The following EVA1A variants were observed in gnomAD, a reference collection of about 807,000 sequenced individuals.
EVA1A encodes eva-1 homolog A, regulator of programmed cell death.
In EVA1A, 7 loss-of-function variants were observed where a neutral mutation model predicts 9.8. The ratio of observed to expected loss-of-function variants is 0.71; its 90% CI spans 0.41 to 1.34. The LOEUF (loss-of-function observed/expected upper bound fraction) is 1.34, where lower values mean the gene tolerates loss of function less well. Among genes scored for constraint, EVA1A ranks in the 40% most tolerant of loss-of-function variants. EVA1A has a pLI of 0.01. For missense variants in EVA1A, 206 were observed against 205.9 expected, an observed-to-expected ratio of 1.00 and a Z score of 0.00; for synonymous variants, 90 against 85.6, an observed-to-expected ratio of 1.05 and a Z score of -0.28.
chr2:75,563,794 C>G (rs1441113506), upstream of EVA1A, among the ~76,000 whole-genome samples: 4 of 152,190 alleles, frequency 2.6e-5, no homozygotes, highest in Admixed American at 1.3e-4. Context: ...CATCAAAACT[C>G]TCTGTGCCTC....
At chr2:75,553,070 C>T (rs1676580897) in intron 1 of EVA1A, among the ~76,000 whole-genome samples, 1 of 152,188 alleles carries the variant, frequency 6.6e-6, no homozygotes, top group African/African-American at 2.4e-5. Context: ...TCCTTTGTCC[C>T]CAGCCATGCC....
intron 1 of EVA1A, among the ~76,000 whole-genome samples, chr2:75,537,136 T>A (rs1330927369): frequency 6.6e-6 from 1 of 152,162 alleles, no homozygotes; most frequent in Non-Finnish European, 1.5e-5. Flanking sequence ...CATGACTACA[T>A]GGGGCTTATT....
upstream of EVA1A, among the ~76,000 whole-genome samples, chr2:75,565,404 G>A (rs1020392305): frequency 1.1e-4 from 17 of 152,122 alleles, no homozygotes; most frequent in African/African-American, 1.9e-4. Context: ...ATCTTCAAAC[G>A]TCACCAGGAA....
At chr2:75,509,233 T>A (rs1674727170) in intron 3 of EVA1A, among the ~76,000 whole-genome samples, 1 of 152,182 alleles carries the variant, frequency 6.6e-6, no homozygotes, top group African/African-American at 2.4e-5. Context: ...TGAGTTAAAA[T>A]GTATAAGGGC....
chr2:75,519,548 G>A (rs927088245), intron 2 of EVA1A, among the ~76,000 whole-genome samples: 1 of 152,208 alleles, frequency 6.6e-6, no homozygotes, highest in Non-Finnish European at 1.5e-5. Context: ...GACAGGAGAA[G>A]GAGTGGGAGC....
At chr2:75,553,806 C>A (rs2103976199) in intron 1 of EVA1A, among the ~76,000 whole-genome samples, 1 of 152,276 alleles carries the variant, frequency 6.6e-6, no homozygotes, top group Non-Finnish European at 1.5e-5. Flanking sequence ...GTGTGACTGA[C>A]CCACTAGGAG....
chr2:75,544,981 A>C (rs1676277004), intron 1 of EVA1A, among the ~76,000 whole-genome samples: 1 of 152,190 alleles, frequency 6.6e-6, no homozygotes, highest in African/African-American at 2.4e-5. Flanking sequence ...GTTCATCCCA[A>C]ACCCTCAATT....
At chr2:75,523,168 C>T (rs1362910663) in intron 1 of EVA1A, among the ~76,000 whole-genome samples, 1 of 152,226 alleles carries the variant, frequency 6.6e-6, no homozygotes, top group African/African-American at 2.4e-5. Flanking sequence ...TGGCTTCCGA[C>T]TTCTGCTTAT....
At chr2:75,558,958 C>G (rs1219272640) in intron 1 of EVA1A, among the ~76,000 whole-genome samples, 1 of 152,174 alleles carries the variant, frequency 6.6e-6, no homozygotes, top group African/African-American at 2.4e-5. Context: ...GCCGCATGAC[C>G]TGCTGTGGAT....
rs1477277738 is a variant in EVA1A, at chr2:75,560,778, C to A, written c.-290G>T. ...GCTGATCACTGAGGGGCGGACACGA[C>A]AAAGCGCTGCCCGGGTCTTGGGCCG... On this transcript the variant is annotated 5_prime_UTR_variant, in exon 1 of 4. Coordinates refer to ENST00000393913, the MANE Select transcript of EVA1A (RefSeq NM_001135032.2). 2.6e-5 allele frequency: 4 copies of A among 152,708 alleles called. No individual in the cohort carries two copies. Among genetic ancestry groups the A allele is most frequent in the African/African-American group, 9.6e-5 (4 of 41,466 alleles). 9.5% of individuals were successfully genotyped at this position (152,708 alleles called of 1,614,324 possible). A position where few individuals can be genotyped will look rare whatever the true frequency, so the allele number is the denominator to read the frequency against.
intron 1 of EVA1A, among the ~76,000 whole-genome samples, chr2:75,530,371 A>C (rs1675601242): frequency 6.6e-6 from 1 of 152,212 alleles, no homozygotes; most frequent in Admixed American, 6.5e-5. Flanking sequence ...CAAAAGATAG[A>C]GAAAGAGAGA....
chr2:75,563,430 C>T (rs1572999111), upstream of EVA1A, among the ~76,000 whole-genome samples: 1 of 152,300 alleles, frequency 6.6e-6, no homozygotes, highest in Middle Eastern at 3.4e-3. Context: ...GTTATGGCTG[C>T]ACCTTGGAAA....
At chr2:75,509,488 T>A (rs1224402134) in intron 3 of EVA1A, among the ~76,000 whole-genome samples, 1 of 152,182 alleles carries the variant, frequency 6.6e-6, no homozygotes, top group Non-Finnish European at 1.5e-5. Context: ...GTAAGATTGT[T>A]GCTAATTTTG....
At chr2:75,527,729 G>C (rs915689393) in intron 1 of EVA1A, among the ~76,000 whole-genome samples, 1 of 152,092 alleles carries the variant, frequency 6.6e-6, no homozygotes, top group Non-Finnish European at 1.5e-5. Context: ...ATAAAGAGAA[G>C]ATATAAGGAA....
chr2:75,521,007 TCAA>T (rs754849295), intron 2 of EVA1A, among the ~76,000 whole-genome samples: 8 of 152,026 alleles, frequency 5.3e-5, no homozygotes, highest in Non-Finnish European at 8.8e-5. Flanking sequence ...CTCCTACAAC[TCAA>T]CAACTAAAAA....
At chr2:75,558,039 C>G (rs1007334180) in intron 1 of EVA1A, among the ~76,000 whole-genome samples, 4 of 152,220 alleles carry the variant, frequency 2.6e-5, no homozygotes, top group African/African-American at 9.7e-5. Flanking sequence ...TTGGCCCTAC[C>G]GCTCATTAGC....
chr2:75,566,044 T>C (rs368091802), intron 1 of EVA1A, among the ~76,000 whole-genome samples: 74 of 152,320 alleles, frequency 4.9e-4, no homozygotes, highest in African/African-American at 1.6e-3. Flanking sequence ...TTACATTTCC[T>C]GGCAAAGTAA....
intron 1 of EVA1A, among the ~76,000 whole-genome samples, chr2:75,547,834 A>G (rs1201579071): frequency 6.6e-6 from 1 of 152,228 alleles, no homozygotes; most frequent in Non-Finnish European, 1.5e-5. Flanking sequence ...CTGGTAAACT[A>G]CTGCTCATGG....
intron 1 of EVA1A, among the ~76,000 whole-genome samples, chr2:75,551,249 C>A (rs1305110864): frequency 1.3e-5 from 2 of 152,226 alleles, no homozygotes; most frequent in Non-Finnish European, 2.9e-5. Context: ...ATAGACAAGC[C>A]TCTAAAAACA....
Sources: allele counts gnomAD v4.1 joint callset (sites outside exome capture counted in the v4.1 genomes callset), GRCh38; gene constraint gnomAD v4.1.1; transcripts MANE v1.5; gene names NCBI Gene and HGNC (gene_info 2026-07-23, HGNC 2026-07-21).